Variants in DPP10 observed in about 807,000 individuals in gnomAD.
DPP10 encodes inactive dipeptidyl peptidase 10.
A neutral mutation model predicts 120.9 loss-of-function variants in DPP10; 33 were observed. The ratio of observed to expected loss-of-function variants is 0.27; its 90% CI spans 0.21 to 0.37. DPP10 has a LOEUF of 0.37. DPP10 is among the 10% of genes least tolerant of loss of function. The probability of loss-of-function intolerance (pLI) is 1.00; values close to 1 mark genes in which losing one functional copy is unlikely to be tolerated. For missense variants in DPP10, 816 were observed against 942.8 expected, an observed-to-expected ratio of 0.87 and a Z score of 1.76; for synonymous variants, 337 against 326.1, an observed-to-expected ratio of 1.03 and a Z score of -0.36.
chr2:115,297,672 C>A (rs1186712028), intron 1 of DPP10, among the ~76,000 whole-genome samples: 1 of 151,982 alleles, frequency 6.6e-6, no homozygotes, highest in Non-Finnish European at 1.5e-5. Context: ...AGTCTGTTAA[C>A]TAGAAACTAC....
intron 3 of DPP10, among the ~76,000 whole-genome samples, chr2:115,414,924 C>T (rs771235375): frequency 1.3e-5 from 2 of 152,134 alleles, no homozygotes; most frequent in Non-Finnish European, 2.9e-5. Context: ...CCCAATATCT[C>T]AATTTCCACG....
intron 1 of DPP10, among the ~76,000 whole-genome samples, chr2:114,843,425 T>C (rs1465022192): frequency 6.6e-6 from 1 of 152,176 alleles, no homozygotes; most frequent in East Asian, 1.9e-4. Context: ...CACACCTTCC[T>C]GTGCTATGAT....
At chr2:114,688,641 C>T (rs974940986) in intron 1 of DPP10, among the ~76,000 whole-genome samples, 10 of 152,042 alleles carry the variant, frequency 6.6e-5, no homozygotes, top group Admixed American at 2.0e-4. Context: ...TCTGGAAATG[C>T]GGAAGAAAGC....
At chr2:114,668,620 GC>G (rs1449514412) in intron 1 of DPP10, among the ~76,000 whole-genome samples, 1 of 152,046 alleles carries the variant, frequency 6.6e-6, no homozygotes, top group African/African-American at 2.4e-5. Flanking sequence ...CCCACACTCA[GC>G]AAAAATGAAA....
chr2:115,582,282 T>TGA (rs113181465), intron 5 of DPP10, among the ~76,000 whole-genome samples: 150,397 of 152,216 alleles, frequency 0.99, 74,326 homozygotes, highest in East Asian at 1. Context: ...CATGATCACT[T>TGA]GGCATTTTTC....
At chr2:115,587,161 G>A (rs1056040549) in intron 5 of DPP10, among the ~76,000 whole-genome samples, 6 of 131,528 alleles carry the variant, frequency 4.6e-5, no homozygotes, top group Non-Finnish European at 7.7e-5. Flanking sequence ...CCAGTGGCAC[G>A]ATCTTGGCTC....
At chr2:115,188,018 A>C (rs1376449227) in intron 1 of DPP10, among the ~76,000 whole-genome samples, 1 of 150,628 alleles carries the variant, frequency 6.6e-6, no homozygotes, top group African/African-American at 2.5e-5. Context: ...AGACTATTTC[A>C]AAAAAACAGA....
intron 1 of DPP10, among the ~76,000 whole-genome samples, chr2:114,588,466 T>A (rs1691184100): frequency 6.6e-6 from 1 of 152,202 alleles, no homozygotes; most frequent in Non-Finnish European, 1.5e-5. Context: ...TGACTATAGT[T>A]AACAATAATG....
intron 17 of DPP10, among the ~76,000 whole-genome samples, chr2:115,789,841 G>T (rs1435279059): frequency 6.6e-6 from 1 of 152,132 alleles, no homozygotes; most frequent in Non-Finnish European, 1.5e-5. Context: ...TTTTTAAAAT[G>T]CTGTTTAAAG....
chr2:114,683,999 C>T (rs1265480790), intron 1 of DPP10, among the ~76,000 whole-genome samples: 1 of 151,972 alleles, frequency 6.6e-6, no homozygotes, highest in African/African-American at 2.4e-5. Flanking sequence ...AGGGACAAAT[C>T]TACTGTGACC....
At chr2:115,694,881 AAC>A (rs2149512895) in intron 7 of DPP10, among the ~76,000 whole-genome samples, 1 of 152,314 alleles carries the variant, frequency 6.6e-6, no homozygotes, top group East Asian at 1.9e-4. Flanking sequence ...ATCTTGCAGG[AAC>A]CAGGATGGAC....
intron 1 of DPP10, among the ~76,000 whole-genome samples, chr2:114,754,712 C>T (rs1482580168): frequency 6.6e-6 from 1 of 152,074 alleles, no homozygotes; most frequent in Non-Finnish European, 1.5e-5. Flanking sequence ...GCCAAGGCAG[C>T]CTGTTCACTC....
intron 7 of DPP10, among the ~76,000 whole-genome samples, chr2:115,723,701 A>G (rs1022502201): frequency 6.7e-6 from 1 of 150,280 alleles, no homozygotes; most frequent in Non-Finnish European, 1.5e-5. Flanking sequence ...TGCAATTGCC[A>G]TTTTATATTC....
At chr2:115,740,027 C>A (rs1369361528) in intron 9 of DPP10, 134 bp downstream of exon 9, 5 of 920,786 alleles carry the variant, frequency 5.4e-6, no homozygotes, top group Non-Finnish European at 8.4e-6. Context: ...AGACTCATCA[C>A]TTTCGATCTC....
chr2:115,812,943 AAAT>A (rs1442738066), intron 19 of DPP10, among the ~76,000 whole-genome samples: 2 of 151,112 alleles, frequency 1.3e-5, no homozygotes, highest in African/African-American at 4.9e-5. Flanking sequence ...CACCATAACT[AAAT>A]ATCTCTGACT....
At chr2:115,467,529 A>G (rs2074405957) in intron 3 of DPP10, among the ~76,000 whole-genome samples, 1 of 151,600 alleles carries the variant, frequency 6.6e-6, no homozygotes, top group African/African-American at 2.4e-5. Context: ...GTGAGCCGAG[A>G]TCACACCATT....
chr2:115,051,146 A>G (rs1705449194), intron 1 of DPP10, among the ~76,000 whole-genome samples: 1 of 152,228 alleles, frequency 6.6e-6, no homozygotes, highest in Admixed American at 6.5e-5. Context: ...AAAAGAAGCC[A>G]TTCATATAAA....
intron 1 of DPP10, among the ~76,000 whole-genome samples, chr2:115,268,002 G>C (rs1482040559): frequency 1.3e-5 from 2 of 152,136 alleles, no homozygotes; most frequent in African/African-American, 4.8e-5. Context: ...TAGTTACACT[G>C]AATATTTTAT....
At chr2:115,135,855 T>C (rs897305187) in intron 1 of DPP10, among the ~76,000 whole-genome samples, 3 of 152,172 alleles carry the variant, frequency 2.0e-5, no homozygotes, top group African/African-American at 4.8e-5. Flanking sequence ...AGTTTCCTCA[T>C]GGTTTGTGAT....
Sources: allele counts gnomAD v4.1 joint callset (sites outside exome capture counted in the v4.1 genomes callset), GRCh38; gene constraint gnomAD v4.1.1; transcripts MANE v1.5; gene names NCBI Gene and HGNC (gene_info 2026-07-23, HGNC 2026-07-21).